The following BCAS3 variants were observed in gnomAD, a reference collection of about 807,000 sequenced individuals.
BCAS3 encodes the protein BCAS4/BCAS3 fusion.
BCAS3 carries 53 observed loss-of-function variants against 116.1 expected under a neutral mutation model. That is an observed-to-expected ratio of 0.46 (90% CI 0.37 to 0.57). BCAS3 has a LOEUF of 0.57. BCAS3 is among the 20% of genes least tolerant of loss of function. The pLI, the probability that BCAS3 is intolerant of heterozygous loss-of-function variation, is 0.00. For missense variants in BCAS3, 917 were observed against 1,165.4 expected, an observed-to-expected ratio of 0.79 and a Z score of 3.10; for synonymous variants, 391 against 408.2, an observed-to-expected ratio of 0.96 and a Z score of 0.51.
intron 6 of BCAS3, among the ~76,000 whole-genome samples, chr17:60,755,609 G>A (rs1211291621): frequency 6.6e-6 from 1 of 152,100 alleles, no homozygotes; most frequent in East Asian, 1.9e-4. Context: ...TAAAAATTGG[G>A]ATTACTATGT....
intron 6 of BCAS3, 129 bp downstream of exon 6, chr17:60,747,408 C>A: frequency 1.5e-6 from 1 of 679,928 alleles, no homozygotes. Flanking sequence ...TTCCCCACCT[C>A]CCCCAAAGAT....
At chr17:61,099,560 T>A (rs969817954) in intron 22 of BCAS3, among the ~76,000 whole-genome samples, 2 of 152,256 alleles carry the variant, frequency 1.3e-5, no homozygotes, top group Non-Finnish European at 2.9e-5. Flanking sequence ...TGAAATATTT[T>A]ACAAAGCATT....
At chr17:60,863,726 C>A (rs1169806943) in intron 7 of BCAS3, among the ~76,000 whole-genome samples, 2 of 151,868 alleles carry the variant, frequency 1.3e-5, no homozygotes, top group African/African-American at 4.8e-5. Flanking sequence ...CAGAGTGAGG[C>A]CCTGTATCTA....
intron 22 of BCAS3, among the ~76,000 whole-genome samples, chr17:61,289,346 C>T (rs1188723141): frequency 6.6e-6 from 1 of 152,192 alleles, no homozygotes; most frequent in Non-Finnish European, 1.5e-5. Context: ...TTTTAGCTTC[C>T]TTTTTGCTCT....
chr17:61,010,281 A>T (rs2065022082), intron 15 of BCAS3, among the ~76,000 whole-genome samples: 1 of 151,894 alleles, frequency 6.6e-6, no homozygotes, highest in Non-Finnish European at 1.5e-5. Flanking sequence ...ATAATTTAGG[A>T]CAAAGCATAA....
intron 19 of BCAS3, among the ~76,000 whole-genome samples, chr17:61,062,401 G>C (rs2070149985): frequency 6.6e-6 from 1 of 152,050 alleles, no homozygotes; most frequent in Non-Finnish European, 1.5e-5. Context: ...CCCATGATAA[G>C]ACAACAGTTG....
rs188491181 is a variant in BCAS3, at chr17:61,077,162, A to T, written c.2131-1171A>T. ...TAAAAAAAAAAAAAAATCATGTAAT[A>T]TATATATTTTCAGGTTTTTCCAAGT... On this transcript the variant is annotated intron_variant, in intron 20 of 23. Transcript: ENST00000407086. This position sits in a 1 kb window ranked among gnomAD's most constrained non-coding sequence, Gnocchi z 4.3. Among the ~76,000 whole-genome samples the T allele has an allele frequency of 1.3e-5, 2 of 151,986 alleles. No individual in the cohort carries two copies. The highest frequency in any genetic ancestry group is 4.8e-5 in the African/African-American group (2 of 41,412).
intron 19 of BCAS3, among the ~76,000 whole-genome samples, chr17:61,045,990 TA>T (rs2068179087): frequency 2.4e-4 from 2 of 8,380 alleles, no homozygotes; most frequent in Non-Finnish European, 3.1e-4. Context: ...TATATATATT[TA>T]TATATATATA....
At position 60,799,520 on chromosome 17, in the gene BCAS3, GTTTGTTTTTT is replaced by G. The variant is rs1390140468; in HGVS notation, c.404-8480_404-8471del. ...AATATGTAAGTTTTTTGAGATTAGTGTTTGTTTTTTTTTTTTTTTTTTTTTGGAGACAGAG... is the reference window on the plus strand; with the variant it reads ...AATATGTAAGTTTTTTGAGATTAGTGTTTTTTTTTTTTTTTGGAGACAGAG... On this transcript the variant is annotated intron_variant, in intron 6 of 23. Coordinates refer to ENST00000407086, the MANE Select transcript of BCAS3 (RefSeq NM_017679.5). Among the ~76,000 whole-genome samples the G allele has an allele frequency of 6.0e-5, 7 of 117,644 alleles. 1 individual carries two copies. The highest frequency in any genetic ancestry group is 1.5e-4 in the African/African-American group (4 of 27,140). The allele number at this position is 117,644 out of a possible 152,430, so 77.2% of individuals were successfully genotyped here.
intron 13 of BCAS3, among the ~76,000 whole-genome samples, chr17:60,936,262 TGGACATTTG>T (rs978673179): frequency 1.3e-5 from 2 of 149,470 alleles, no homozygotes. Context: ...CTATCATTGT[TGGACATTTG>T]GGTTGGTTCC....
intron 23 of BCAS3, among the ~76,000 whole-genome samples, chr17:61,373,784 G>C (rs1175659172): frequency 2.3e-5 from 3 of 128,002 alleles, no homozygotes; most frequent in African/African-American, 8.2e-5. Flanking sequence ...TCTGTTTGCT[G>C]CTGTTAACTT....
At chr17:60,929,060 G>T (rs1017294287) in intron 13 of BCAS3, among the ~76,000 whole-genome samples, 1 of 152,084 alleles carries the variant, frequency 6.6e-6, no homozygotes, top group Non-Finnish European at 1.5e-5. Context: ...GTATTTTCTA[G>T]CACTCTTCAT....
At chr17:61,080,659 C>T (rs919096747) in intron 21 of BCAS3, among the ~76,000 whole-genome samples, 2 of 152,128 alleles carry the variant, frequency 1.3e-5, no homozygotes, top group Non-Finnish European at 2.9e-5. Flanking sequence ...ACTCGGGAGG[C>T]TGCGGCAGGA....
rs922251037 is a variant in BCAS3 at position 61,227,047 on chromosome 17, AG to A, written c.2426-141278del. 1.3e-5 allele frequency among the ~76,000 whole-genome samples: 2 copies of A among 152,160 alleles called. No individual in the cohort carries two copies. Among genetic ancestry groups the A allele is most frequent in the Admixed American group, 1.3e-4 (2 of 15,272 alleles). On this transcript the variant is annotated intron_variant, in intron 22 of 23. Coordinates refer to ENST00000407086, the MANE Select transcript of BCAS3 (RefSeq NM_017679.5). The surrounding 1 kb of genome is among the most constrained non-coding windows in gnomAD (Gnocchi z 6.1). Reference sequence around the variant, plus strand: ...GAGGAGTTCCAGGTTGGGGTGTATGAGGTGGTTAACTGTGTGCAACGCCCCT... The same window carrying A: ...GAGGAGTTCCAGGTTGGGGTGTATGAGTGGTTAACTGTGTGCAACGCCCCT...
Position 61,388,831 on chromosome 17 carries a change from G to A in BCAS3, c.2594-3146G>A. 2 of 991,346 alleles carry A rather than the reference G, an allele frequency of 2.0e-6. No individual in the cohort carries two copies. Among genetic ancestry groups the A allele is most frequent in the Admixed American group, 2.7e-5 (1 of 37,674 alleles). The allele number at this position is 991,346 out of a possible 1,614,324, so 61.4% of individuals were successfully genotyped here. On this transcript the variant is annotated intron_variant, in intron 23 of 23. Coordinates refer to ENST00000407086, the MANE Select transcript of BCAS3 (RefSeq NM_017679.5). The surrounding 1 kb of genome is among the most constrained non-coding windows in gnomAD (Gnocchi z 6.5). The stretch of plus-strand genomic sequence containing the variant: ...CCCACACACACCCCTGCCTGCAGGG[G>A]GAGGAGCAGAAGGGGTCTGAGAGGA...
intron 22 of BCAS3, among the ~76,000 whole-genome samples, chr17:61,247,183 G>A (rs1443482994): frequency 1.3e-5 from 2 of 152,032 alleles, no homozygotes; most frequent in Non-Finnish European, 2.9e-5. Flanking sequence ...TAACTTTGAC[G>A]ATAGCATGCA....
chr17:60,803,162 T>C (rs751246435), intron 6 of BCAS3, among the ~76,000 whole-genome samples: 2 of 152,236 alleles, frequency 1.3e-5, no homozygotes, highest in Non-Finnish European at 2.9e-5. Flanking sequence ...TGTCATTTAA[T>C]CTTCTTCACT....
rs1242087961 is a variant in BCAS3, at chr17:60,870,718, A to G, written c.584+2035A>G. On this transcript the variant is annotated intron_variant, in intron 8 of 23. Transcript: ENST00000407086. ...CTCAGATTAGACACACACAACCTCT[A>G]TAGACATGTGACTTATAAAGGTTCC... Among the ~76,000 whole-genome samples, 6 of 152,180 alleles carry G rather than the reference A, an allele frequency of 3.9e-5. No individual in the cohort carries two copies. In the East Asian group the frequency reaches 9.6e-4, roughly 24 times the overall value.
chr17:61,349,982 G>C lies in BCAS3; in HGVS notation c.2426-18345G>C, dbSNP rs1309653684. ...AATCTCTCCTGAACAATTGGCTTTG[G>C]GACATTGTCTTTCTAGGAAAAATAG... On this transcript the variant is annotated intron_variant, in intron 22 of 23. Coordinates refer to ENST00000407086, the MANE Select transcript of BCAS3 (RefSeq NM_017679.5). This position sits in a 1 kb window ranked among gnomAD's most constrained non-coding sequence, Gnocchi z 4.7. Among the ~76,000 whole-genome samples the C allele has an allele frequency of 6.6e-6, 1 of 152,094 alleles. No individual in the cohort carries two copies. The highest frequency in any genetic ancestry group is 1.5e-5 in the Non-Finnish European group (1 of 68,012).
Sources: gnomAD v4.1 joint callset for allele counts (sites outside exome capture counted in the v4.1 genomes callset) on GRCh38, gnomAD v4.1.1 for gene constraint, Gnocchi (gnomAD v3.1) non-coding constraint, MANE v1.5 for transcripts, NCBI Gene and HGNC (gene_info 2026-07-23, HGNC 2026-07-21) for gene names.